The following NOM1 variants were observed in gnomAD, a reference collection of about 807,000 sequenced individuals.
NOM1 encodes nucleolar protein with MIF4G domain 1.
A neutral mutation model predicts 73.3 loss-of-function variants in NOM1; 58 were observed. The observed-to-expected ratio is 0.79, with a 90% CI of 0.64 to 0.99. The LOEUF (loss-of-function observed/expected upper bound fraction) is 0.99, where lower values mean the gene tolerates loss of function less well. Among genes scored for constraint, NOM1 ranks in the 50% least tolerant of loss-of-function variants. NOM1 has a pLI of 0.00. For missense variants in NOM1, 1,226 were observed against 1,131.9 expected (o/e 1.08, Z -1.19); for synonymous variants, 487 against 446.8 (o/e 1.09, Z -1.14).
chr7:156,965,864 A>T (rs1804982302), intron 7 of NOM1, among the ~76,000 whole-genome samples: 1 of 152,200 alleles, frequency 6.6e-6, no homozygotes, highest in Non-Finnish European at 1.5e-5. Context: ...TAGTGAGCTG[A>T]AGTCATGCCA....
Position 156,952,586 on chromosome 7 carries a change from G to C in NOM1, c.1100G>C (p.Gly367Ala). Residue 367 changes from glycine (G) to alanine (A), a missense_variant, in exon 2 of 11, where the codon GGT (glycine) becomes GCT (alanine). Gly to Ala is a moderately conservative substitution (Grantham distance 60). Coordinates refer to ENST00000275820, the MANE Select transcript of NOM1 (RefSeq NM_138400.2). ...ELERLKKHVK[G>A]LLNRLSEPNM... ...GAAAGGCTGAAGAAACATGTAAAAG[G>C]TCTACTTAACAGGTGACCTTGTAGT... 1 of 1,613,766 alleles carries C rather than the reference G, an allele frequency of 6.2e-7. No homozygotes were observed. The highest frequency in any genetic ancestry group is 8.5e-7 in the Non-Finnish European group (1 of 1,179,940).
rs1193348261 is a variant in NOM1, at chr7:156,951,941, C to T, written c.988-533C>T. Among the ~76,000 whole-genome samples the T allele has an allele frequency of 2.0e-5, 3 of 152,102 alleles. No individual in the cohort carries two copies. In the East Asian group the frequency reaches 5.8e-4, roughly 29 times the overall value. On this transcript the variant is annotated intron_variant, in intron 1 of 10. Transcript: ENST00000275820. ...CAGGATGGTCTTGATCTCCTGACCT[C>T]GTGATCCGCCCGCCTCAGCGTCCCA...
chr7:156,954,405 G>A (rs2134774617), intron 3 of NOM1, 107 bp downstream of exon 3: 9 of 901,612 alleles, frequency 1.0e-5, no homozygotes, highest in Non-Finnish European at 1.3e-5. Context: ...TTCTTGTGTC[G>A]ATTCCTTTTT....
At chr7:156,961,873 A>G (rs1445315260) in intron 4 of NOM1, among the ~76,000 whole-genome samples, 1 of 152,014 alleles carries the variant, frequency 6.6e-6, no homozygotes, top group African/African-American at 2.4e-5. Context: ...GACGGTGCGG[A>G]AGGGTGAGGC....
At chr7:156,955,287 A>G (rs1200938558) in intron 3 of NOM1, among the ~76,000 whole-genome samples, 1 of 152,212 alleles carries the variant, frequency 6.6e-6, no homozygotes, top group Non-Finnish European at 1.5e-5. Context: ...CAGGAAAGTC[A>G]TAACACTCCC....
rs750751219 is a variant in NOM1, at chr7:156,963,932, C to T, written c.1939C>T (p.Arg647Trp). The change falls in exon 7 of 11, where the codon CGG becomes TGG. Residue 647 changes from arginine to tryptophan, a missense_variant. Transcript: ENST00000275820. Reference sequence around the variant, plus strand: ...CAGTTCAAAGATCCTAGAACTCGCCCGGAAGCAGAGGATGAACACAGACAT... The same window carrying T: ...CAGTTCAAAGATCCTAGAACTCGCCTGGAAGCAGAGGATGAACACAGACAT... ...TVSSKILELARKQRMNTDIRR... is the reference protein window; with the variant it reads ...TVSSKILELAWKQRMNTDIRR... 4.5e-5 allele frequency: 73 copies of T among 1,613,846 alleles called. No individual in the cohort carries two copies. Among genetic ancestry groups the T allele is most frequent in the Middle Eastern group, 3.3e-4 (2 of 6,084 alleles).
chr7:156,953,491 C>T (rs752217728), intron 2 of NOM1, among the ~76,000 whole-genome samples: 11 of 152,154 alleles, frequency 7.2e-5, no homozygotes, highest in Non-Finnish European at 1.3e-4. Context: ...TAAAACTCAC[C>T]ACCATCTCTC....
At chr7:156,964,149 A>G (rs778164444) in intron 7 of NOM1, 123 bp downstream of exon 7, 4 of 975,448 alleles carry the variant, frequency 4.1e-6, no homozygotes, top group African/African-American at 1.6e-5. Flanking sequence ...GGCTGTTCTC[A>G]TGACCATCCG....
rs1239969224 is a variant in NOM1 at position 156,970,124 on chromosome 7, AT to A, written c.*422del. 1 of 152,152 alleles carries A rather than the reference AT, an allele frequency of 6.6e-6. No homozygotes were observed. The highest frequency in any genetic ancestry group is 2.4e-5 in the African/African-American group (1 of 41,038). 9.4% of individuals were successfully genotyped at this position (152,152 alleles called of 1,614,324 possible). A position where few individuals can be genotyped will look rare whatever the true frequency, so the allele number is the denominator to read the frequency against. On this transcript the variant is annotated 3_prime_UTR_variant, in exon 11 of 11. Coordinates refer to ENST00000275820, the MANE Select transcript of NOM1 (RefSeq NM_138400.2). Reference sequence around the variant, plus strand: ...GCAAAACCCTGTCTCTACTAAAAATATAAAAATTAGCCAGGCATGATGGCAC... The same window carrying A: ...GCAAAACCCTGTCTCTACTAAAAATAAAAAATTAGCCAGGCATGATGGCAC...
chr7:156,956,878 G>A (rs566297493), intron 3 of NOM1, among the ~76,000 whole-genome samples: 11 of 152,232 alleles, frequency 7.2e-5, no homozygotes, highest in African/African-American at 1.9e-4. Context: ...GCCATTCTGT[G>A]ACTTTCTTGG....
At chr7:156,951,417 G>T (rs953006885) in intron 1 of NOM1, among the ~76,000 whole-genome samples, 1 of 152,066 alleles carries the variant, frequency 6.6e-6, no homozygotes, top group South Asian at 2.1e-4. Flanking sequence ...AATCTAGGAC[G>T]TAGCAATCAA....
intron 9 of NOM1, among the ~76,000 whole-genome samples, chr7:156,968,113 T>C (rs966161385): frequency 4.6e-5 from 7 of 152,186 alleles, no homozygotes; most frequent in African/African-American, 1.7e-4. Flanking sequence ...GTTTGGCCAC[T>C]GTACTGAAAA....
At position 156,967,071 on chromosome 7, in the gene NOM1, G is replaced by T. The variant is rs1358025954; in HGVS notation, c.2277G>T (p.Ser759=). 3 of 1,612,842 alleles carry T rather than the reference G, an allele frequency of 1.9e-6. No homozygotes were observed. The highest frequency in any genetic ancestry group is 1.1e-5 in the South Asian group (1 of 90,572). ...TGGCCCACTTGTTGAAGACAAAATC[G>T]CTTTCCCTTTCCATCTTAAAGGTTC... ...HLVAHLLKTK[S]LSLSILKVVE... Residue 759 remains serine (S), a synonymous_variant, in exon 9 of 11, where the codon TCG becomes TCT. Transcript: ENST00000275820.
intron 2 of NOM1, among the ~76,000 whole-genome samples, 157 bp downstream of exon 2, chr7:156,952,755 C>T (rs1804626089): frequency 1.3e-5 from 2 of 151,976 alleles, no homozygotes; most frequent in Admixed American, 6.6e-5. Flanking sequence ...GAGACCCATA[C>T]CTCGAGAAGG....
intron 9 of NOM1, among the ~76,000 whole-genome samples, chr7:156,968,443 C>T (rs10272415): frequency 0.52 from 79,211 of 151,780 alleles, 20,983 homozygotes; most frequent in Middle Eastern, 0.63. Flanking sequence ...TTTGGCTGCG[C>T]ACCTCCCTGT....
At position 156,963,982 on chromosome 7, in the gene NOM1, A is replaced by G. The variant is rs1262209901; in HGVS notation, c.1989A>G (p.Ile663Met). The G allele has an allele frequency of 6.2e-7, 1 of 1,614,034 alleles. No individual in the cohort carries two copies. ...TCCGGAGAAACATATTCTGCACAAT[A>G]ATGACAAGTGAAGATTTTTTGGATG... Reference protein sequence around the residue: ...TDIRRNIFCTIMTSEDFLDAF... With the variant: ...TDIRRNIFCTMMTSEDFLDAF... Residue 663 changes from isoleucine to methionine, a missense_variant, in exon 7 of 11, where the codon ATA becomes ATG. By Grantham distance (10) the Ile-to-Met change is conservative. Transcript: ENST00000275820.
chr7:156,963,493 T>C (rs1398195801), intron 6 of NOM1: 2 of 453,196 alleles, frequency 4.4e-6, no homozygotes, highest in Admixed American at 6.9e-5. Context: ...GGGCTGTGCA[T>C]TCTAGGCTAC....
At chr7:156,959,565 A>G (rs551909140) in intron 3 of NOM1, among the ~76,000 whole-genome samples, 4 of 152,308 alleles carry the variant, frequency 2.6e-5, no homozygotes, top group Admixed American at 2.0e-4. Flanking sequence ...TTTGAGAGAC[A>G]TAGGTGTGTT....
At chr7:156,960,661 G>C (rs1804841993) in intron 4 of NOM1, among the ~76,000 whole-genome samples, 1 of 152,194 alleles carries the variant, frequency 6.6e-6, no homozygotes, top group Non-Finnish European at 1.5e-5. Flanking sequence ...CATCACAAGA[G>C]AAAAAGGCAG....
Sources: allele counts gnomAD v4.1 joint callset (sites outside exome capture counted in the v4.1 genomes callset), GRCh38; gene constraint gnomAD v4.1.1; transcripts MANE v1.5; gene names NCBI Gene and HGNC (gene_info 2026-07-23, HGNC 2026-07-21).